Variants in ADIPOR2 observed in about 807,000 individuals in gnomAD.
ADIPOR2 encodes adiponectin receptor protein 2.
A neutral mutation model predicts 40.9 loss-of-function variants in ADIPOR2; 18 were observed. The ratio of observed to expected loss-of-function variants is 0.44; its 90% CI spans 0.30 to 0.65. The LOEUF is 0.65. Ranked by LOEUF, ADIPOR2 falls within the 30% of genes least tolerant of loss-of-function variation. The pLI is 0.09. For missense variants in ADIPOR2, 283 were observed against 479.2 expected, an observed-to-expected ratio of 0.59 and a Z score of 3.82; for synonymous variants, 165 against 166.4, an observed-to-expected ratio of 0.99 and a Z score of 0.06.
rs141355031 is a variant in ADIPOR2, at chr12:1,710,368, C to T, written c.-87+19177C>T. Among the ~76,000 whole-genome samples, 13 of 152,290 alleles carry T rather than the reference C, an allele frequency of 8.5e-5. No homozygotes were observed. In the East Asian group the frequency reaches 1.7e-3, roughly 20 times the overall value. Reference sequence around the variant, plus strand: ...CTGTAACACTCACCGTGAAGGTCTGCGGCTTCATTCTTGAAGTTAGCGAGA... The same window carrying T: ...CTGTAACACTCACCGTGAAGGTCTGTGGCTTCATTCTTGAAGTTAGCGAGA... On this transcript the variant is annotated intron_variant, in intron 1 of 7. Coordinates refer to ENST00000357103, the MANE Select transcript of ADIPOR2 (RefSeq NM_024551.3).
intron 1 of ADIPOR2, among the ~76,000 whole-genome samples, chr12:1,693,620 G>A (rs2094632015): frequency 6.6e-6 from 1 of 151,066 alleles, no homozygotes; most frequent in East Asian, 2.0e-4. Flanking sequence ...TGCAACCTCT[G>A]CCTCCTGGGT....
At chr12:1,748,395 C>G (rs1405817633) in intron 1 of ADIPOR2, among the ~76,000 whole-genome samples, 1 of 152,022 alleles carries the variant, frequency 6.6e-6, no homozygotes, top group Non-Finnish European at 1.5e-5. Context: ...ACTACAGGTG[C>G]CCGCCACCAC....
rs570110504 is a variant in ADIPOR2 at position 1,784,558 on chromosome 12, GC to G, written c.1032+488del. Among the ~76,000 whole-genome samples, 339 of 152,288 alleles carry G rather than the reference GC, an allele frequency of 2.2e-3. 1 individual carries two copies. Among genetic ancestry groups the G allele is most frequent in the African/African-American group, 7.6e-3 (317 of 41,562 alleles). On this transcript the variant is annotated intron_variant, in intron 7 of 7. Coordinates refer to ENST00000357103, the MANE Select transcript of ADIPOR2 (RefSeq NM_024551.3). The stretch of plus-strand genomic sequence containing the variant: ...GATGATAGACCAGATTTTCACCAGA[GC>G]CCTTTTTAGGACCAGATTTCTATCA...
At chr12:1,693,532 T>G (rs962460077) in intron 1 of ADIPOR2, among the ~76,000 whole-genome samples, 16 of 152,186 alleles carry the variant, frequency 1.1e-4, no homozygotes, top group African/African-American at 2.4e-4. Context: ...TTTTTTTTTT[T>G]TTGTTCATTT....
chr12:1,731,649 A>G (rs1285555749), intron 1 of ADIPOR2, among the ~76,000 whole-genome samples: 6 of 152,180 alleles, frequency 3.9e-5, no homozygotes, highest in Non-Finnish European at 7.3e-5. Flanking sequence ...CGTACATGTT[A>G]TAGCATATAT....
intron 2 of ADIPOR2, among the ~76,000 whole-genome samples, chr12:1,769,104 T>A (rs1862445245): frequency 6.6e-6 from 1 of 152,226 alleles, no homozygotes; most frequent in South Asian, 2.1e-4. Flanking sequence ...CTTTGGGTAC[T>A]GTGGTTTGGT....
chr12:1,746,950 G>GT (rs2094756439), intron 1 of ADIPOR2, among the ~76,000 whole-genome samples: 1 of 151,952 alleles, frequency 6.6e-6, no homozygotes, highest in Non-Finnish European at 1.5e-5. Flanking sequence ...GAGGAAGATT[G>GT]TTTGAACCCA....
intron 2 of ADIPOR2, among the ~76,000 whole-genome samples, 172 bp downstream of exon 2, chr12:1,754,686 T>TTTATTA (rs139616464): frequency 1.8e-5 from 2 of 110,098 alleles, no homozygotes; most frequent in Admixed American, 1.2e-4. Context: ...GTCTCTTATC[T>TTTATTA]TTATTATTAT....
chr12:1,710,023 A>T (rs1270969713), intron 1 of ADIPOR2, among the ~76,000 whole-genome samples: 2 of 152,174 alleles, frequency 1.3e-5, no homozygotes, highest in Non-Finnish European at 2.9e-5. Context: ...TGTTGGTTCT[A>T]AAACATGGTG....
chr12:1,737,837 C>A (rs1020725356), intron 1 of ADIPOR2, among the ~76,000 whole-genome samples: 1 of 152,182 alleles, frequency 6.6e-6, no homozygotes, highest in African/African-American at 2.4e-5. Flanking sequence ...CAGGCGGAGC[C>A]ACTGCGCCTG....
At chr12:1,779,921 T>G (rs1667563929) in intron 4 of ADIPOR2, among the ~76,000 whole-genome samples, 1 of 152,198 alleles carries the variant, frequency 6.6e-6, no homozygotes, top group African/African-American at 2.4e-5. Flanking sequence ...TGAGTAGGCA[T>G]TTTGTCCTTA....
At chr12:1,706,813 T>G (rs549193277) in intron 1 of ADIPOR2, among the ~76,000 whole-genome samples, 1 of 152,174 alleles carries the variant, frequency 6.6e-6, no homozygotes, top group East Asian at 1.9e-4. Context: ...TTGCATACAT[T>G]CATTTTGTCT....
At chr12:1,747,038 C>G (rs1030357190) in intron 1 of ADIPOR2, among the ~76,000 whole-genome samples, 6 of 149,250 alleles carry the variant, frequency 4.0e-5, no homozygotes, top group Non-Finnish European at 8.9e-5. Flanking sequence ...TTGTCTCCCC[C>G]ACTAACTCCA....
At chr12:1,703,238 T>A (rs2094654142) in intron 1 of ADIPOR2, among the ~76,000 whole-genome samples, 2 of 152,364 alleles carry the variant, frequency 1.3e-5, no homozygotes, top group African/African-American at 4.8e-5. Flanking sequence ...TTAAGTTTTT[T>A]AAAAAGTATT....
chr12:1,757,515 G>A (rs1477010714), intron 2 of ADIPOR2: 3 of 783,358 alleles, frequency 3.8e-6, no homozygotes, highest in African/African-American at 3.4e-5. Context: ...GATGAAATTG[G>A]TAATCTTGCC....
chr12:1,756,176 A>G (rs894859951), intron 2 of ADIPOR2, among the ~76,000 whole-genome samples: 1 of 151,682 alleles, frequency 6.6e-6, no homozygotes, highest in African/African-American at 2.4e-5. Flanking sequence ...TTTGAGATAG[A>G]GTCTCGCTCT....
intron 1 of ADIPOR2, among the ~76,000 whole-genome samples, chr12:1,730,274 G>A (rs923896807): frequency 4.6e-5 from 7 of 151,138 alleles, no homozygotes; most frequent in African/African-American, 1.2e-4. Flanking sequence ...TGATTGGTAA[G>A]CGTTTTTTTC....
intron 1 of ADIPOR2, among the ~76,000 whole-genome samples, chr12:1,715,891 G>A (rs1010411411): frequency 6.6e-6 from 1 of 152,140 alleles, no homozygotes; most frequent in Non-Finnish European, 1.5e-5. Flanking sequence ...CCTGTAAAAT[G>A]GACCAATCAG....
intron 2 of ADIPOR2, among the ~76,000 whole-genome samples, chr12:1,758,809 A>T (rs1862205632): frequency 6.6e-6 from 1 of 152,224 alleles, no homozygotes. Flanking sequence ...CTTCTGGATA[A>T]TTCTAGTAAT....
Sources: gnomAD v4.1 joint callset for allele counts (sites outside exome capture counted in the v4.1 genomes callset) on GRCh38, gnomAD v4.1.1 for gene constraint, MANE v1.5 for transcripts, NCBI Gene and HGNC (gene_info 2026-07-23, HGNC 2026-07-21) for gene names.